The following CDH18 variants were observed in gnomAD, a reference collection of about 807,000 sequenced individuals.
The protein encoded by CDH18 is cadherin 18.
Under a neutral mutation model 67.9 loss-of-function variants are expected in CDH18, and 31 were observed. The observed-to-expected ratio is 0.46, with a 90% CI of 0.34 to 0.62. The LOEUF (loss-of-function observed/expected upper bound fraction) is 0.62. Ranked by LOEUF, CDH18 falls within the 20% of genes least tolerant of loss-of-function variation. The pLI, the probability that CDH18 is intolerant of heterozygous loss-of-function variation, is 0.01. For missense variants in CDH18, 890 were observed against 975.5 expected (o/e 0.91, Z 1.17); for synonymous variants, 362 against 347.2 (o/e 1.04, Z -0.48).
intron 1 of CDH18, among the ~76,000 whole-genome samples, chr5:20,268,298 G>C (rs1745193470): frequency 6.6e-6 from 1 of 152,046 alleles, no homozygotes; most frequent in Non-Finnish European, 1.5e-5. Flanking sequence ...TTGGGTATTG[G>C]TTGAATCTTT....
At chr5:20,521,630 G>A (rs562525009) in intron 1 of CDH18, among the ~76,000 whole-genome samples, 1 of 152,040 alleles carries the variant, frequency 6.6e-6, no homozygotes, top group Non-Finnish European at 1.5e-5. Context: ...AGGGAGAAAT[G>A]GGTTAAAGAG....
At chr5:19,736,470 G>A (rs1249234202) in intron 4 of CDH18, among the ~76,000 whole-genome samples, 1 of 152,076 alleles carries the variant, frequency 6.6e-6, no homozygotes, top group Admixed American at 6.5e-5. Flanking sequence ...TATTGATCTT[G>A]AAAGATAAAT....
At chr5:19,662,129 T>C (rs556748705) in intron 5 of CDH18, among the ~76,000 whole-genome samples, 35 of 134,020 alleles carry the variant, frequency 2.6e-4, no homozygotes, top group Non-Finnish European at 4.9e-4. Flanking sequence ...TTTTTTACAT[T>C]TTTTAAAGAT....
At chr5:20,376,946 G>A (rs971433542) in intron 1 of CDH18, among the ~76,000 whole-genome samples, 2 of 151,864 alleles carry the variant, frequency 1.3e-5, no homozygotes, top group African/African-American at 4.8e-5. Context: ...GAATCCGGGA[G>A]GCAAATGTTG....
intron 2 of CDH18, among the ~76,000 whole-genome samples, chr5:20,212,336 C>A (rs1289233007): frequency 1.3e-5 from 2 of 152,072 alleles, no homozygotes; most frequent in Non-Finnish European, 2.9e-5. Flanking sequence ...GAGAATGGAA[C>A]CAAGTTGGAA....
At chr5:19,519,341 T>G (rs1388039177) in intron 10 of CDH18, among the ~76,000 whole-genome samples, 3 of 152,126 alleles carry the variant, frequency 2.0e-5, no homozygotes, top group African/African-American at 7.2e-5. Flanking sequence ...CCCTCATACA[T>G]AAACACAAAA....
At chr5:19,629,234 C>G (rs1035815017) in intron 5 of CDH18, among the ~76,000 whole-genome samples, 1 of 152,102 alleles carries the variant, frequency 6.6e-6, no homozygotes, top group African/African-American at 2.4e-5. Flanking sequence ...GTATCTGAGT[C>G]AGTGGGGAAA....
intron 5 of CDH18, among the ~76,000 whole-genome samples, chr5:19,622,261 G>A (rs1426717757): frequency 6.6e-6 from 1 of 152,156 alleles, no homozygotes; most frequent in Non-Finnish European, 1.5e-5. Flanking sequence ...GTTACTGAAA[G>A]TTCTGATGCC....
intron 6 of CDH18, among the ~76,000 whole-genome samples, chr5:19,600,345 T>A (rs964326257): frequency 6.6e-6 from 1 of 151,764 alleles, no homozygotes. Context: ...CTTAAAAGTA[T>A]AATAATTAAA....
At chr5:20,160,752 A>T (rs1277253140) in intron 2 of CDH18, among the ~76,000 whole-genome samples, 1 of 152,164 alleles carries the variant, frequency 6.6e-6, no homozygotes, top group Non-Finnish European at 1.5e-5. Flanking sequence ...TTCAGGTAAC[A>T]ATTTTTGTTT....
At chr5:20,355,130 C>A (rs1741509520) in intron 1 of CDH18, among the ~76,000 whole-genome samples, 1 of 152,158 alleles carries the variant, frequency 6.6e-6, no homozygotes, top group African/African-American at 2.4e-5. Flanking sequence ...GCTCCTTTCC[C>A]CTTTCTCTTA....
intron 2 of CDH18, among the ~76,000 whole-genome samples, chr5:20,008,163 CTA>C (rs1383274059): frequency 1.3e-5 from 2 of 151,624 alleles, no homozygotes; most frequent in Admixed American, 6.6e-5. Flanking sequence ...AGAGATGTGT[CTA>C]TGTGTGATGG....
chr5:20,172,223 T>TATATACATATATAC lies in CDH18; in HGVS notation c.-518+83220_-518+83221insGTATATATGTATAT. Reference sequence around the variant, plus strand: ...ATATATATATATATATATATATATATGTATATATATATATATGTATATATA... The same window carrying TATATACATATATAC: ...ATATATATATATATATATATATATATATATACATATATACGTATATATATATATATGTATATATA... On this transcript the variant is annotated intron_variant, in intron 2 of 14. Coordinates refer to the CDH18 transcript ENST00000507958. Among the ~76,000 whole-genome samples, 3 of 43,922 alleles carry TATATACATATATAC rather than the reference T, an allele frequency of 6.8e-5. No individual in the cohort carries two copies. In the South Asian group the frequency reaches 2.3e-3, roughly 33 times the overall value. The allele number at this position is 43,922 out of a possible 152,430, so 28.8% of individuals were successfully genotyped here. A position where few individuals can be genotyped will look rare whatever the true frequency, so the allele number is the denominator to read the frequency against.
intron 2 of CDH18, among the ~76,000 whole-genome samples, chr5:20,047,728 A>C (rs2150484246): frequency 6.6e-6 from 1 of 151,878 alleles, no homozygotes; most frequent in African/African-American, 2.4e-5. Flanking sequence ...GAAAATAAAT[A>C]TTTACTGTCA....
chr5:20,522,041 T>C (rs1484398682), intron 1 of CDH18, among the ~76,000 whole-genome samples: 2 of 152,146 alleles, frequency 1.3e-5, no homozygotes, highest in African/African-American at 4.8e-5. Context: ...GTATTCAAAG[T>C]GGGCCCTGTT....
intron 1 of CDH18, among the ~76,000 whole-genome samples, chr5:20,514,128 G>T (rs1296477659): frequency 6.6e-6 from 1 of 152,118 alleles, no homozygotes; most frequent in Non-Finnish European, 1.5e-5. Context: ...TTTTTAATCT[G>T]CATATAGACC....
intron 2 of CDH18, among the ~76,000 whole-genome samples, chr5:20,098,397 T>A (rs938094731): frequency 6.6e-6 from 1 of 152,142 alleles, no homozygotes; most frequent in African/African-American, 2.4e-5. Flanking sequence ...AAATAACAAA[T>A]CCATCCCCAC....
At chr5:20,021,487 T>C (rs1223277182) in intron 2 of CDH18, among the ~76,000 whole-genome samples, 2 of 152,078 alleles carry the variant, frequency 1.3e-5, no homozygotes, top group Non-Finnish European at 2.9e-5. Context: ...TATGAGGAGA[T>C]TGGATCATGG....
chr5:19,876,981 G>A (rs902888928), intron 2 of CDH18, among the ~76,000 whole-genome samples: 2 of 151,988 alleles, frequency 1.3e-5, no homozygotes, highest in African/African-American at 4.8e-5. Context: ...CTACCCATCT[G>A]GTGGATGAAC....
Sources: gnomAD v4.1 joint callset for allele counts (sites outside exome capture counted in the v4.1 genomes callset) on GRCh38, gnomAD v4.1.1 for gene constraint, MANE v1.5 for transcripts, NCBI Gene and HGNC (gene_info 2026-07-23, HGNC 2026-07-21) for gene names.